SGCZ: variants seen among roughly 807,000 people sequenced by gnomAD.
SGCZ encodes the protein sarcoglycan zeta.
SGCZ carries 40 observed loss-of-function variants against 41.3 expected under a neutral mutation model. That is an observed-to-expected ratio of 0.97 (90% CI 0.75 to 1.26). SGCZ has a LOEUF of 1.26. Ranked by LOEUF, SGCZ falls within the 50% of genes most tolerant of loss-of-function variation. The probability of loss-of-function intolerance (pLI) is 0.00; values close to 1 mark genes in which losing one functional copy is unlikely to be tolerated. For synonymous variants in SGCZ, 206 were observed against 137.5 expected, an observed-to-expected ratio of 1.50 and a Z score of -3.49; for missense variants, 552 against 369.8, an observed-to-expected ratio of 1.49 and a Z score of -4.04.
At chr8:14,912,672 G>A (rs1799311489) in intron 1 of SGCZ, among the ~76,000 whole-genome samples, 1 of 152,058 alleles carries the variant, frequency 6.6e-6, no homozygotes, top group South Asian at 2.1e-4. Context: ...CCATTCACCT[G>A]TGAAGGCCAA....
At chr8:14,675,968 A>G (rs1374092746) in intron 1 of SGCZ, among the ~76,000 whole-genome samples, 3 of 152,160 alleles carry the variant, frequency 2.0e-5, no homozygotes, top group Non-Finnish European at 4.4e-5. Context: ...AGGTAAACAG[A>G]AACACCTGCA....
At chr8:14,679,126 C>T (rs979884546) in intron 1 of SGCZ, among the ~76,000 whole-genome samples, 3 of 152,118 alleles carry the variant, frequency 2.0e-5, no homozygotes, top group Admixed American at 2.0e-4. Flanking sequence ...TATAAACCGA[C>T]CTACTGCACT....
intron 5 of SGCZ, among the ~76,000 whole-genome samples, chr8:14,151,309 C>G (rs1287723933): frequency 6.6e-6 from 1 of 151,342 alleles, no homozygotes; most frequent in Non-Finnish European, 1.5e-5. Context: ...TACTATATGC[C>G]AAAGAAATTA....
Position 14,340,539 on chromosome 8 carries a change from A to G in SGCZ, c.235-16335T>C, listed in dbSNP as rs541077346. 1.1e-4 allele frequency among the ~76,000 whole-genome samples: 16 copies of G among 152,142 alleles called. No homozygotes were observed. In the South Asian group the frequency reaches 3.3e-3, roughly 32 times the overall value. ...GAGATAATGTCTTCCTTGTCTTTTT[A>G]TCTCCAGAATTTATCGAAATGACCT... On this transcript the variant is annotated intron_variant, in intron 2 of 7. Coordinates refer to ENST00000382080, the MANE Select transcript of SGCZ (RefSeq NM_139167.4).
intron 1 of SGCZ, among the ~76,000 whole-genome samples, chr8:14,803,509 C>T (rs1415429677): frequency 9.2e-5 from 14 of 151,974 alleles, no homozygotes; most frequent in Admixed American, 4.6e-4. Context: ...CCGAATACCG[C>T]GCTTTTCCGA....
At chr8:14,783,405 G>C (rs1800650501) in intron 1 of SGCZ, among the ~76,000 whole-genome samples, 1 of 150,930 alleles carries the variant, frequency 6.6e-6, no homozygotes, top group Non-Finnish European at 1.5e-5. Context: ...CTGCACTCCA[G>C]CCTGGGAGAC....
intron 5 of SGCZ, among the ~76,000 whole-genome samples, chr8:14,162,943 T>C (rs1804091137): frequency 6.6e-6 from 1 of 152,226 alleles, no homozygotes. Flanking sequence ...TGATCTTGGC[T>C]CATTGCAGCC....
intron 1 of SGCZ, among the ~76,000 whole-genome samples, chr8:14,634,208 G>C (rs991766452): frequency 6.6e-6 from 1 of 151,782 alleles, no homozygotes; most frequent in Non-Finnish European, 1.5e-5. Flanking sequence ...GACACAGTCA[G>C]ATTTTCATGA....
At chr8:14,322,423 T>A (rs1357768049) in intron 3 of SGCZ, among the ~76,000 whole-genome samples, 1 of 152,076 alleles carries the variant, frequency 6.6e-6, no homozygotes, top group African/African-American at 2.4e-5. Flanking sequence ...TGGCTCCACC[T>A]CACACGTTAA....
intron 1 of SGCZ, among the ~76,000 whole-genome samples, chr8:15,088,664 T>C (rs1469582031): frequency 1.3e-5 from 2 of 151,742 alleles, no homozygotes; most frequent in African/African-American, 2.4e-5. Context: ...AAAACTGTTG[T>C]CCCTTGCTGA....
At chr8:14,666,075 C>T (rs1208142980) in intron 1 of SGCZ, among the ~76,000 whole-genome samples, 1 of 152,152 alleles carries the variant, frequency 6.6e-6, no homozygotes, top group Non-Finnish European at 1.5e-5. Flanking sequence ...CAAACATTTG[C>T]CCTTCTCAGA....
rs1405926525 is a variant in SGCZ, at chr8:14,407,923, G to C, written c.235-83719C>G. Among the ~76,000 whole-genome samples, 2 of 152,078 alleles carry C rather than the reference G, an allele frequency of 1.3e-5. 1 individual carries two copies. Among genetic ancestry groups the C allele is most frequent in the South Asian group, 4.1e-4 (2 of 4,828 alleles). On this transcript the variant is annotated intron_variant, in intron 2 of 7. Coordinates refer to ENST00000382080, the MANE Select transcript of SGCZ (RefSeq NM_139167.4). Reference sequence around the variant, plus strand: ...GGAACCTCTTGAGTCTCACGTTTTTGCTTTTCACTTATTTTTGTCTCAGAT... The same window carrying C: ...GGAACCTCTTGAGTCTCACGTTTTTCCTTTTCACTTATTTTTGTCTCAGAT...
intron 2 of SGCZ, among the ~76,000 whole-genome samples, chr8:14,436,842 T>A (rs978288018): frequency 6.6e-6 from 1 of 152,244 alleles, no homozygotes; most frequent in African/African-American, 2.4e-5. Context: ...AACTCACCAC[T>A]TCTTTGTTGG....
chr8:14,686,098 A>G (rs1808601758), intron 1 of SGCZ, among the ~76,000 whole-genome samples: 1 of 152,050 alleles, frequency 6.6e-6, no homozygotes. Flanking sequence ...GACTTAACTC[A>G]CCTCCTATCC....
At chr8:14,577,724 T>C (rs1386284038) in intron 1 of SGCZ, among the ~76,000 whole-genome samples, 3 of 152,186 alleles carry the variant, frequency 2.0e-5, no homozygotes, top group Admixed American at 6.5e-5. Context: ...AATTCAACAA[T>C]TGTCCTTCCA....
chr8:14,785,816 G>A (rs868288766), intron 1 of SGCZ, among the ~76,000 whole-genome samples: 1 of 151,742 alleles, frequency 6.6e-6, no homozygotes, highest in Non-Finnish European at 1.5e-5. Flanking sequence ...TAGGATTGTG[G>A]TTCTCATATT....
chr8:14,113,162 A>T (rs1367640748), intron 5 of SGCZ, among the ~76,000 whole-genome samples: 4 of 152,058 alleles, frequency 2.6e-5, no homozygotes. Flanking sequence ...CCTGTGCAAA[A>T]AGCTATAATT....
At chr8:15,207,487 T>C (rs1801104581) in intron 1 of SGCZ, among the ~76,000 whole-genome samples, 1 of 151,902 alleles carries the variant, frequency 6.6e-6, no homozygotes, top group Non-Finnish European at 1.5e-5. Context: ...AGTGGGATCA[T>C]AGAAATCAGG....
chr8:14,667,807 AT>A (rs1416727930), intron 1 of SGCZ, among the ~76,000 whole-genome samples: 3 of 152,212 alleles, frequency 2.0e-5, no homozygotes, highest in Non-Finnish European at 2.9e-5. Context: ...GGTTATAAAC[AT>A]AAAAAAGAGA....
Sources: gnomAD v4.1 joint callset for allele counts (sites outside exome capture counted in the v4.1 genomes callset) on GRCh38, gnomAD v4.1.1 for gene constraint, MANE v1.5 for transcripts, NCBI Gene and HGNC (gene_info 2026-07-23, HGNC 2026-07-21) for gene names.